Variants in LMO3 observed in about 807,000 individuals in gnomAD.
LMO3 encodes LIM domain only protein 3.
Under a neutral mutation model 15.8 loss-of-function variants are expected in LMO3, and 2 were observed. That is an observed-to-expected ratio of 0.13 (90% CI 0.05 to 0.40). The LOEUF is 0.40. Ranked by LOEUF, LMO3 falls within the 10% of genes least tolerant of loss-of-function variation. The pLI, the probability that LMO3 is intolerant of heterozygous loss-of-function variation, is 0.99. For synonymous variants in LMO3, 62 were observed against 63.8 expected, an observed-to-expected ratio of 0.97 and a Z score of 0.13; for missense variants, 86 against 182.2, an observed-to-expected ratio of 0.47 and a Z score of 3.04.
Position 16,567,283 on chromosome 12 carries a change from G to A in LMO3, c.207-6745C>T, listed in dbSNP as rs193047035. ...CAATAATTCATGGTATTGAGAGAAA[G>A]CTGAGGTTCAATGAACCTTTTTTAA... On this transcript the variant is annotated intron_variant, in intron 2 of 3. Coordinates refer to ENST00000537304, the MANE Select transcript of LMO3 (RefSeq NM_018640.5). 431 of 158,006 alleles carry A rather than the reference G, an allele frequency of 2.7e-3. 2 individuals are homozygous for A. Among genetic ancestry groups the A allele is most frequent in the African/African-American group, 9.8e-3 (407 of 41,680 alleles). 9.8% of individuals were successfully genotyped at this position (158,006 alleles called of 1,614,324 possible). A position where few individuals can be genotyped will look rare whatever the true frequency, so the allele number is the denominator to read the frequency against.
At position 16,583,551 on chromosome 12, in the gene LMO3, G is replaced by A. The variant is rs115730389; in HGVS notation, c.206+17104C>T. Among the ~76,000 whole-genome samples the A allele has an allele frequency of 1.5e-3, 221 of 152,138 alleles. 1 individual carries two copies. Among genetic ancestry groups the A allele is most frequent in the African/African-American group, 5.0e-3 (209 of 41,514 alleles). On this transcript the variant is annotated intron_variant, in intron 2 of 3. Coordinates refer to ENST00000537304, the MANE Select transcript of LMO3 (RefSeq NM_018640.5). ...AAATTGGCCTTAGAAGGAATAGGAAGACCTCATTCCCATAGATGGGATAAA... is the reference window on the plus strand; with the variant it reads ...AAATTGGCCTTAGAAGGAATAGGAAAACCTCATTCCCATAGATGGGATAAA...
rs1023128161 is a variant in LMO3, at chr12:16,599,584, C to T, written c.206+1071G>A. 8 of 151,998 alleles carry T rather than the reference C, an allele frequency of 5.3e-5. No homozygotes were observed. The highest frequency in any genetic ancestry group is 8.8e-5 in the Non-Finnish European group (6 of 68,000). 9.4% of individuals were successfully genotyped at this position (151,998 alleles called of 1,614,324 possible). A position where few individuals can be genotyped will look rare whatever the true frequency, so the allele number is the denominator to read the frequency against. ...ATAAGGGAAAAAATTCCAAATAAAT[C>T]GCTTAATGTCAGACCAGAAAAATGA... On this transcript the variant is annotated intron_variant, in intron 2 of 3. Coordinates refer to ENST00000537304, the MANE Select transcript of LMO3 (RefSeq NM_018640.5). The surrounding 1 kb of genome is among the most constrained non-coding windows in gnomAD (Gnocchi z 4.1).
intron 2 of LMO3, among the ~76,000 whole-genome samples, chr12:16,579,635 T>C (rs1326360268): frequency 6.6e-6 from 1 of 152,214 alleles, no homozygotes; most frequent in African/African-American, 2.4e-5. Flanking sequence ...AGTTGAAGTC[T>C]TACTCAGTAG....
At chr12:16,608,421 CTTTG>C (rs1944070098), upstream of LMO3, 1 of 152,108 alleles carries the variant, frequency 6.6e-6, no homozygotes, top group Non-Finnish European at 1.5e-5. The surrounding 1 kb of genome is among the most constrained non-coding windows in gnomAD (Gnocchi z 4.1). Flanking sequence ...CTATGCAAAT[CTTTG>C]TTTAAATCAT....
rs1942155201 is a variant in LMO3, at chr12:16,555,340, CT to C, written c.333-4014del. ...GCTTATTCTGATGTTTCCCAAAGCA[CT>C]TATTTATTGGTGTATTGTTTATTTT... On this transcript the variant is annotated intron_variant, in intron 3 of 3. Transcript: ENST00000537304. This position sits in a 1 kb window ranked among gnomAD's most constrained non-coding sequence, Gnocchi z 5.5. Among the ~76,000 whole-genome samples, 1 of 152,152 alleles carries C rather than the reference CT, an allele frequency of 6.6e-6. No homozygotes were observed. The highest frequency in any genetic ancestry group is 1.5e-5 in the Non-Finnish European group (1 of 68,020).
rs541530202 is a variant in LMO3, at chr12:16,549,329, A to T, written c.*1893T>A. On this transcript the variant is annotated 3_prime_UTR_variant, in exon 4 of 4. Transcript: ENST00000537304. ...GAATTTCTTTCTTTAGTATATCTCA[A>T]ATCTGGGGAACATGGAACTTGAAGA... 1 of 152,310 alleles carries T rather than the reference A, an allele frequency of 6.6e-6. No homozygotes were observed. The highest frequency in any genetic ancestry group is 6.5e-5 in the Admixed American group (1 of 15,276). 9.4% of individuals were successfully genotyped at this position (152,310 alleles called of 1,614,324 possible). A position where few individuals can be genotyped will look rare whatever the true frequency, so the allele number is the denominator to read the frequency against.
In LMO3 at chr12:16,597,826, AG is replaced by A. The variant is rs769531354; in HGVS notation, c.206+2828del. ...TTGGTTATATAAAATACAAAATGGA[AG>A]TATGCTGAATTTGGAGGAAAATGAG... On this transcript the variant is annotated intron_variant, in intron 2 of 3. Coordinates refer to ENST00000537304, the MANE Select transcript of LMO3 (RefSeq NM_018640.5). This position sits in a 1 kb window ranked among gnomAD's most constrained non-coding sequence, Gnocchi z 5.0. 1.3e-5 allele frequency: 2 copies of A among 152,016 alleles called. 1 individual carries two copies. The highest frequency in any genetic ancestry group is 2.9e-5 in the Non-Finnish European group (2 of 67,908). The allele number at this position is 152,016 out of a possible 1,614,324, so 9.4% of individuals were successfully genotyped here. A position where few individuals can be genotyped will look rare whatever the true frequency, so the allele number is the denominator to read the frequency against.
At chr12:16,562,281 C>T (rs981443976) in intron 2 of LMO3, among the ~76,000 whole-genome samples, 2 of 152,050 alleles carry the variant, frequency 1.3e-5, no homozygotes, top group East Asian at 3.8e-4. Flanking sequence ...TTACATGTGC[C>T]ATTGTTTCTT....
chr12:16,557,723 A>T (rs966089739), intron 3 of LMO3, among the ~76,000 whole-genome samples: 1 of 152,094 alleles, frequency 6.6e-6, no homozygotes, highest in African/African-American at 2.4e-5. Context: ...GACATTTAAC[A>T]TAAATTATTT....
At position 16,555,446 on chromosome 12, in the gene LMO3, T is replaced by C. The variant is rs1004215218; in HGVS notation, c.333-4119A>G. Among the ~76,000 whole-genome samples, 7 of 152,228 alleles carry C rather than the reference T, an allele frequency of 4.6e-5. No individual in the cohort carries two copies. Among genetic ancestry groups the C allele is most frequent in the African/African-American group, 1.7e-4 (7 of 41,466 alleles). On this transcript the variant is annotated intron_variant, in intron 3 of 3. Transcript: ENST00000537304. This position sits in a 1 kb window ranked among gnomAD's most constrained non-coding sequence, Gnocchi z 5.5. ...TTCTGCGGTAAATGACCACGAGTTATATTTCTTTTGAACCCTTTGCAGAAC... is the reference window on the plus strand; with the variant it reads ...TTCTGCGGTAAATGACCACGAGTTACATTTCTTTTGAACCCTTTGCAGAAC...
intron 2 of LMO3, among the ~76,000 whole-genome samples, chr12:16,574,877 A>G (rs1027806115): frequency 6.6e-6 from 1 of 152,198 alleles, no homozygotes; most frequent in Non-Finnish European, 1.5e-5. Flanking sequence ...TCTCATAGTC[A>G]TTAACAGCAG....
chr12:16,592,937 T>C (rs1355921080), intron 2 of LMO3, among the ~76,000 whole-genome samples: 2 of 151,858 alleles, frequency 1.3e-5, no homozygotes, highest in African/African-American at 4.8e-5. Flanking sequence ...TTCTAAAAGT[T>C]TTAGAAACTA....
chr12:16,557,829 C>T (rs941010373), intron 3 of LMO3, among the ~76,000 whole-genome samples: 4 of 151,986 alleles, frequency 2.6e-5, no homozygotes, highest in African/African-American at 9.7e-5. Context: ...TACTCAAGAT[C>T]ACACAGTTAA....
rs1943432245 is a variant in LMO3, at chr12:16,589,740, C to T, written c.206+10915G>A. ...GCTCAAATTGATCTGCCTTGGAAGA[C>T]GAGGATCACCAAGTGATTAGGAATA... On this transcript the variant is annotated intron_variant, in intron 2 of 3. Coordinates refer to ENST00000537304, the MANE Select transcript of LMO3 (RefSeq NM_018640.5). This position sits in a 1 kb window ranked among gnomAD's most constrained non-coding sequence, Gnocchi z 4.2. Among the ~76,000 whole-genome samples the T allele has an allele frequency of 6.6e-6, 1 of 152,094 alleles. No homozygotes were observed. Among genetic ancestry groups the T allele is most frequent in the East Asian group, 1.9e-4 (1 of 5,174 alleles).
In LMO3 at chr12:16,552,451, G is replaced by T. The variant is rs188565397; in HGVS notation, c.333-1124C>A. ...CCTTTAATGTTTTGTGAAGTTGAAG[G>T]TTTAAATGAGGAGCAGTTGGACTGA... On this transcript the variant is annotated intron_variant, in intron 3 of 3. Transcript: ENST00000537304. Among the ~76,000 whole-genome samples, 30 of 152,130 alleles carry T rather than the reference G, an allele frequency of 2.0e-4. No individual in the cohort carries two copies. The East Asian group carries it at 4.6e-3, about 23-fold the overall frequency.
chr12:16,559,025 T>G lies in LMO3; in HGVS notation c.332+1388A>C, dbSNP rs1025010982. ...GCTGAAATTTGAATCCCGTTCTCACTAGAAATGTCACATTCTTTCTACTAT... is the reference window on the plus strand; with the variant it reads ...GCTGAAATTTGAATCCCGTTCTCACGAGAAATGTCACATTCTTTCTACTAT... On this transcript the variant is annotated intron_variant, in intron 3 of 3. Transcript: ENST00000537304. The surrounding 1 kb of genome is among the most constrained non-coding windows in gnomAD (Gnocchi z 4.1). Among the ~76,000 whole-genome samples the G allele has an allele frequency of 1.3e-5, 2 of 152,170 alleles. No individual in the cohort carries two copies. Among genetic ancestry groups the G allele is most frequent in the Admixed American group, 1.3e-4 (2 of 15,280 alleles).
At position 16,576,933 on chromosome 12, in the gene LMO3, T is replaced by C. The variant is rs1943011955; in HGVS notation, c.207-16395A>G. 6.6e-6 allele frequency among the ~76,000 whole-genome samples: 1 copy of C among 152,294 alleles called. No homozygotes were observed. The highest frequency in any genetic ancestry group is 1.9e-4 in the East Asian group (1 of 5,188). On this transcript the variant is annotated intron_variant, in intron 2 of 3. Coordinates refer to ENST00000537304, the MANE Select transcript of LMO3 (RefSeq NM_018640.5). The surrounding 1 kb of genome is among the most constrained non-coding windows in gnomAD (Gnocchi z 4.1). Reference sequence around the variant, plus strand: ...CCACGTTCTTTCCTAAACTATCTATTTTAGAAATAACCCAATAAGGGCAAA... The same window carrying C: ...CCACGTTCTTTCCTAAACTATCTATCTTAGAAATAACCCAATAAGGGCAAA...
intron 2 of LMO3, among the ~76,000 whole-genome samples, chr12:16,592,539 C>A (rs1054130114): frequency 6.6e-6 from 1 of 151,952 alleles, no homozygotes; most frequent in Non-Finnish European, 1.5e-5. Context: ...CTAATACTTG[C>A]ATGAAGTTAC....
intron 2 of LMO3, among the ~76,000 whole-genome samples, chr12:16,568,592 C>T (rs1309784999): frequency 6.6e-6 from 1 of 151,662 alleles, no homozygotes; most frequent in Admixed American, 6.6e-5. Context: ...AAGCTTAGCA[C>T]AAAAAAGAAA....
Sources: gnomAD v4.1 joint callset for allele counts (sites outside exome capture counted in the v4.1 genomes callset) on GRCh38, gnomAD v4.1.1 for gene constraint, Gnocchi (gnomAD v3.1) non-coding constraint, MANE v1.5 for transcripts, NCBI Gene and HGNC (gene_info 2026-07-23, HGNC 2026-07-21) for gene names.